The following ADK variants were observed in gnomAD, a reference collection of about 807,000 sequenced individuals.
The protein encoded by ADK is N6,N6-dimethyladenosine kinase.
Under a neutral mutation model 44.7 loss-of-function variants are expected in ADK, and 24 were observed. The ratio of observed to expected loss-of-function variants is 0.54; its 90% confidence interval spans 0.39 to 0.76. The LOEUF (loss-of-function observed/expected upper bound fraction) is 0.76, where lower values mean the gene tolerates loss of function less well. Ranked by LOEUF, ADK falls within the 30% of genes least tolerant of loss-of-function variation. The pLI is 0.00. For missense variants in ADK, 321 were observed against 425.1 expected, an observed-to-expected ratio of 0.76 and a Z score of 2.15; for synonymous variants, 128 against 142.6, an observed-to-expected ratio of 0.90 and a Z score of 0.73.
intron 9 of ADK, among the ~76,000 whole-genome samples, chr10:74,634,468 C>G (rs1853553946): frequency 6.6e-6 from 1 of 152,138 alleles, no homozygotes. Flanking sequence ...TCCGCCCGGC[C>G]TCCCAAAGTG....
intron 2 of ADK, among the ~76,000 whole-genome samples, chr10:74,203,402 A>C (rs150564683): frequency 2.0e-3 from 297 of 152,014 alleles, no homozygotes; most frequent in African/African-American, 6.9e-3. Context: ...TCTGTCACCC[A>C]GGATGGGGTG....
At chr10:74,446,358 A>G (rs1168783397) in intron 6 of ADK, among the ~76,000 whole-genome samples, 3 of 152,020 alleles carry the variant, frequency 2.0e-5, no homozygotes, top group South Asian at 2.1e-4. Flanking sequence ...TAAAAAACCT[A>G]TTTTCCAGTC....
intron 4 of ADK, among the ~76,000 whole-genome samples, chr10:74,369,176 G>A (rs558101734): frequency 6.6e-6 from 1 of 152,154 alleles, no homozygotes; most frequent in South Asian, 2.1e-4. Context: ...AGACAACATG[G>A]CAAATTTTAT....
intron 7 of ADK, among the ~76,000 whole-genome samples, chr10:74,535,915 T>A (rs1293137201): frequency 1.3e-5 from 2 of 152,092 alleles, no homozygotes; most frequent in Non-Finnish European, 2.9e-5. Flanking sequence ...TAGCAAATGA[T>A]GTATCTTTAT....
chr10:74,161,640 A>G (rs149674543), intron 1 of ADK, among the ~76,000 whole-genome samples: 1,592 of 151,940 alleles, frequency 0.01, 29 homozygotes, highest in African/African-American at 0.037. Flanking sequence ...TCAGCCTCCC[A>G]AAGTGCTGGG....
At chr10:74,479,002 A>T (rs1198548535) in intron 6 of ADK, among the ~76,000 whole-genome samples, 4 of 151,868 alleles carry the variant, frequency 2.6e-5, no homozygotes, top group Non-Finnish European at 4.4e-5. Context: ...ATCTTTTTTT[A>T]AAAAATATTT....
intron 9 of ADK, among the ~76,000 whole-genome samples, chr10:74,649,227 GAAATA>G (rs887573429): frequency 2.6e-5 from 4 of 151,994 alleles, no homozygotes; most frequent in African/African-American, 9.7e-5. Context: ...AACAAAAAAA[GAAATA>G]AAATAAGAAA....
chr10:74,324,869 A>G (rs1414594115), intron 4 of ADK, among the ~76,000 whole-genome samples: 1 of 152,210 alleles, frequency 6.6e-6, no homozygotes, highest in Non-Finnish European at 1.5e-5. Context: ...TCAGCAGTGT[A>G]CAGGGTTCCC....
At chr10:74,464,298 A>G (rs1846271861) in intron 6 of ADK, among the ~76,000 whole-genome samples, 1 of 152,134 alleles carries the variant, frequency 6.6e-6, no homozygotes, top group African/African-American at 2.4e-5. Flanking sequence ...TGTAATCACA[A>G]TACCTTGAGA....
chr10:74,302,416 C>G (rs1268715591), intron 3 of ADK, among the ~76,000 whole-genome samples: 1 of 151,712 alleles, frequency 6.6e-6, no homozygotes, highest in Non-Finnish European at 1.5e-5. Flanking sequence ...GCCACTGCCC[C>G]CAGCCTGTTT....
chr10:74,182,461 C>T (rs774387238), intron 1 of ADK, among the ~76,000 whole-genome samples: 4 of 151,978 alleles, frequency 2.6e-5, no homozygotes, highest in South Asian at 2.1e-4. Flanking sequence ...CTCCGCCTCC[C>T]GGGTTCAAGC....
intron 6 of ADK, among the ~76,000 whole-genome samples, chr10:74,486,155 A>G (rs1407236286): frequency 1.3e-5 from 2 of 152,066 alleles, no homozygotes; most frequent in Admixed American, 1.3e-4. Context: ...TGGTCTCATG[A>G]TAGTAAGTGA....
At chr10:74,300,219 GTTGT>G (rs1051355885) in intron 3 of ADK, among the ~76,000 whole-genome samples, 11 of 129,234 alleles carry the variant, frequency 8.5e-5, no homozygotes, top group African/African-American at 1.2e-4. Flanking sequence ...TGATATTGTT[GTTGT>G]TTGTTTCTTT....
intron 3 of ADK, among the ~76,000 whole-genome samples, chr10:74,276,750 CT>C (rs1846695353): frequency 6.6e-6 from 1 of 151,286 alleles, no homozygotes; most frequent in Admixed American, 6.6e-5. Context: ...TGGTGTTTAC[CT>C]GTTTAATCTC....
At chr10:74,550,696 A>G (rs1850004210) in intron 7 of ADK, among the ~76,000 whole-genome samples, 1 of 152,176 alleles carries the variant, frequency 6.6e-6, no homozygotes, top group East Asian at 1.9e-4. Context: ...CAGTCCAACA[A>G]TCAATCTTAA....
rs372502769 is a variant in ADK at position 74,267,754 on chromosome 10, TTGTGTG to T, written c.194+43197_194+43202del. 1.2e-3 allele frequency among the ~76,000 whole-genome samples: 161 copies of T among 132,838 alleles called. 3 individuals carry two copies. The South Asian group carries it at 0.028, about 23-fold the overall frequency. 87.1% of individuals were successfully genotyped at this position (132,838 alleles called of 152,430 possible). ...ATCAGCTATTGGCTTATATCCTTAT[TTGTGTG>T]TGTGTGTGTGTGTGTGTGTGTGTGT... On this transcript the variant is annotated intron_variant, in intron 3 of 10. Coordinates refer to ENST00000539909, the MANE Select transcript of ADK (RefSeq NM_006721.4).
intron 2 of ADK, among the ~76,000 whole-genome samples, chr10:74,222,012 T>C (rs1475837751): frequency 6.6e-6 from 1 of 152,090 alleles, no homozygotes; most frequent in Non-Finnish European, 1.5e-5. Context: ...AAAGCCAAAA[T>C]TGACGAATTA....
At chr10:74,547,927 G>A (rs1849897267) in intron 7 of ADK, among the ~76,000 whole-genome samples, 1 of 152,152 alleles carries the variant, frequency 6.6e-6, no homozygotes, top group Non-Finnish European at 1.5e-5. Context: ...CAAAGTGCTG[G>A]GATTACAGGC....
chr10:74,206,121 A>G (rs960925827), intron 2 of ADK, among the ~76,000 whole-genome samples: 1 of 151,820 alleles, frequency 6.6e-6, no homozygotes, highest in African/African-American at 2.4e-5. Context: ...TAAAAAAATC[A>G]TGATGTATAA....
Sources: gnomAD v4.1 joint callset for allele counts (sites outside exome capture counted in the v4.1 genomes callset) on GRCh38, gnomAD v4.1.1 for gene constraint, MANE v1.5 for transcripts, NCBI Gene and HGNC (gene_info 2026-07-23, HGNC 2026-07-21) for gene names.